PRIM2: variants seen among roughly 807,000 people sequenced by gnomAD.
PRIM2 encodes the protein DNA primase subunit 2, also known as DNA primase large subunit.
A neutral mutation model predicts 67.3 loss-of-function variants in PRIM2; 39 were observed. That is an observed-to-expected ratio of 0.58 (90% CI 0.45 to 0.76). The LOEUF (loss-of-function observed/expected upper bound fraction) is 0.76. Ranked by LOEUF, PRIM2 falls within the 30% of genes least tolerant of loss-of-function variation. The probability of loss-of-function intolerance (pLI) is 0.00; values close to 1 mark genes in which losing one functional copy is unlikely to be tolerated. For synonymous variants in PRIM2, 143 were observed against 198.7 expected, an observed-to-expected ratio of 0.72 and a Z score of 2.36; for missense variants, 398 against 598.7, an observed-to-expected ratio of 0.66 and a Z score of 3.50.
In PRIM2 at chr6:57,318,488, GGTGACCAGAGGAAT is replaced by G. The variant is rs1273426699; in HGVS notation, c.45_58del (p.Asp16PhefsTer15). On this transcript the variant is annotated frameshift_variant, in exon 2 of 14. Coordinates refer to ENST00000615550, the MANE Select transcript of PRIM2 (RefSeq NM_000947.5). LOFTEE classifies it high-confidence loss of function. ...AAAGTGGAGGAAGCTGAGGTTGGCA[GGTGACCAGAGGAAT>G]GCTTCCTACCCTCATTGCCTTCAGT... is the stretch of plus-strand genomic sequence containing the variant. 1.2e-6 allele frequency: 2 copies of G among 1,610,464 alleles called. No individual in the cohort carries two copies. The highest frequency in any genetic ancestry group is 1.7e-6 in the Non-Finnish European group (2 of 1,178,336).
intron 7 of PRIM2, among the ~76,000 whole-genome samples, chr6:57,451,183 C>G (rs1193133107): frequency 6.6e-6 from 1 of 151,986 alleles, no homozygotes; most frequent in African/African-American, 2.4e-5. Context: ...CTCTGTTGCC[C>G]AGGCTGGAAT....
the PRIM2 span, among the ~76,000 whole-genome samples, chr6:57,270,049 T>C: frequency 6.6e-6 from 1 of 152,160 alleles, no homozygotes; most frequent in Non-Finnish European, 1.5e-5. Flanking sequence ...TAGTATAGTT[T>C]GAAGTCAGGT....
At chr6:57,523,363 T>G (rs1554349084) in intron 8 of PRIM2, among the ~76,000 whole-genome samples, 1,839 of 152,352 alleles carry the variant, frequency 0.012, 31 homozygotes, top group African/African-American at 0.042. Flanking sequence ...AAACTTACCC[T>G]CTTAATCACG....
At chr6:57,353,673 C>G (rs1768930602) in intron 5 of PRIM2, among the ~76,000 whole-genome samples, 1 of 152,096 alleles carries the variant, frequency 6.6e-6, no homozygotes, top group Non-Finnish European at 1.5e-5. Context: ...TAGGAAAAGT[C>G]TATTTTGGAA....
At chr6:57,296,241 G>A in the PRIM2 span, among the ~76,000 whole-genome samples, 1 of 151,962 alleles carries the variant, frequency 6.6e-6, no homozygotes, top group African/African-American at 2.4e-5. Flanking sequence ...GACTAAAACT[G>A]TATACAAAGA....
At chr6:57,586,355 T>G (rs2127486795) in intron 10 of PRIM2, among the ~76,000 whole-genome samples, 1 of 152,144 alleles carries the variant, frequency 6.6e-6, no homozygotes, top group South Asian at 2.1e-4. Context: ...GTGGTTGGGT[T>G]GGGTGAGAGA....
In PRIM2 at chr6:57,558,035, G is replaced by C. The variant is rs1432009974; in HGVS notation, c.1020+20410G>C. Among the ~76,000 whole-genome samples, 5 of 152,204 alleles carry C rather than the reference G, an allele frequency of 3.3e-5. No individual in the cohort carries two copies. In the East Asian group the frequency reaches 9.7e-4, roughly 29 times the overall value. On this transcript the variant is annotated intron_variant, in intron 10 of 13. Coordinates refer to ENST00000615550, the MANE Select transcript of PRIM2 (RefSeq NM_000947.5). Reference sequence around the variant, plus strand: ...TTTTGGAAGGCACTGTGGTGTGGCGGGGAGAATGTAGACTTTGGAATCAAA... The same window carrying C: ...TTTTGGAAGGCACTGTGGTGTGGCGCGGAGAATGTAGACTTTGGAATCAAA...
chr6:57,241,863 G>A, the PRIM2 span, among the ~76,000 whole-genome samples: 15 of 151,774 alleles, frequency 9.9e-5, no homozygotes, highest in Admixed American at 2.0e-4. Context: ...TAGTAGAGAT[G>A]GGGTTTCACC....
intron 12 of PRIM2, among the ~76,000 whole-genome samples, chr6:57,612,979 G>A (rs1218207786): frequency 6.6e-6 from 1 of 151,804 alleles, no homozygotes; most frequent in Non-Finnish European, 1.5e-5. Context: ...CTTTTTTGTA[G>A]AGATAGAGGT....
At chr6:57,299,025 T>C in the PRIM2 span, among the ~76,000 whole-genome samples, 1 of 152,236 alleles carries the variant, frequency 6.6e-6, no homozygotes, top group South Asian at 2.1e-4. Flanking sequence ...GCCCTACTAC[T>C]GTGGACGATT....
At chr6:57,576,544 T>A (rs1320263805) in intron 10 of PRIM2, among the ~76,000 whole-genome samples, 1 of 152,192 alleles carries the variant, frequency 6.6e-6, no homozygotes, top group East Asian at 1.9e-4. Flanking sequence ...TTACATTTGG[T>A]TATGAGAAAG....
At chr6:57,286,824 C>A in the PRIM2 span, among the ~76,000 whole-genome samples, 1 of 152,126 alleles carries the variant, frequency 6.6e-6, no homozygotes, top group Non-Finnish European at 1.5e-5. Context: ...AACAGGCAAC[C>A]TACAGAATGG....
chr6:57,642,531 C>A (rs1408095689), intron 13 of PRIM2, among the ~76,000 whole-genome samples: 1 of 145,768 alleles, frequency 6.9e-6, no homozygotes, highest in Non-Finnish European at 1.5e-5. Context: ...CAAGCTCCGC[C>A]TCCCGGGTTC....
chr6:57,335,598 G>A (rs923108408), intron 5 of PRIM2, among the ~76,000 whole-genome samples: 1 of 152,198 alleles, frequency 6.6e-6, no homozygotes, highest in Admixed American at 6.5e-5. Flanking sequence ...CCCAGCAGGG[G>A]CAGACTGACA....
chr6:57,644,527 T>C (rs1777299720), intron 13 of PRIM2, among the ~76,000 whole-genome samples: 2 of 152,360 alleles, frequency 1.3e-5, no homozygotes, highest in South Asian at 4.1e-4. Flanking sequence ...TGTATTCCTG[T>C]ATGCTGAATA....
At chr6:57,293,806 GTGGGGAA>G in the PRIM2 span, among the ~76,000 whole-genome samples, 2 of 151,238 alleles carry the variant, frequency 1.3e-5, no homozygotes, top group Non-Finnish European at 2.9e-5. Flanking sequence ...TGGACACAGG[GTGGGGAA>G]TGTCACACAC....
intron 13 of PRIM2, among the ~76,000 whole-genome samples, chr6:57,632,521 T>G (rs1240808811): frequency 6.6e-6 from 1 of 152,126 alleles, no homozygotes; most frequent in Non-Finnish European, 1.5e-5. Context: ...GTGTAAAAAT[T>G]GTAGGCTTCA....
At chr6:57,248,639 T>C in the PRIM2 span, among the ~76,000 whole-genome samples, 7 of 152,212 alleles carry the variant, frequency 4.6e-5, no homozygotes, top group East Asian at 1.9e-4. Flanking sequence ...ACCAGTCTGA[T>C]TGGTTGTTGG....
the PRIM2 span, chr6:57,222,307 T>C: frequency 1.3e-5 from 2 of 152,164 alleles, no homozygotes; most frequent in Admixed American, 6.5e-5. Context: ...CTGCGGAGCA[T>C]GCGCCGTGCT....
Sources: gnomAD v4.1 joint callset for allele counts (sites outside exome capture counted in the v4.1 genomes callset) on GRCh38, gnomAD v4.1.1 for gene constraint, MANE v1.5 for transcripts, NCBI Gene and HGNC (gene_info 2026-07-23, HGNC 2026-07-21) for gene names.